The following TAFA2 variants were observed in gnomAD, a reference collection of about 807,000 sequenced individuals.
TAFA2 encodes TAFA chemokine like family member 2, also known as chemokine-like protein TAFA-2.
A neutral mutation model predicts 18.8 loss-of-function variants in TAFA2; 7 were observed. The ratio of observed to expected loss-of-function variants is 0.37; its 90% CI spans 0.21 to 0.70. The LOEUF is 0.70. Among genes scored for constraint, TAFA2 ranks in the 30% least tolerant of loss-of-function variants. TAFA2 has a pLI of 0.53. For missense variants in TAFA2, 122 were observed against 158.1 expected (o/e 0.77, Z 1.23); for synonymous variants, 60 against 54.2 (o/e 1.11, Z -0.47).
At chr12:61,851,273 G>C (rs569041587) in intron 2 of TAFA2, among the ~76,000 whole-genome samples, 1 of 152,276 alleles carries the variant, frequency 6.6e-6, no homozygotes, top group African/African-American at 2.4e-5. Context: ...GGAGATAATA[G>C]TCATGAATAA....
At chr12:62,198,124 A>C (rs933389129) in intron 1 of TAFA2, 1 of 152,090 alleles carries the variant, frequency 6.6e-6, no homozygotes, top group Admixed American at 6.6e-5. Context: ...ATTATATCCA[A>C]ACTCCTTACC....
chr12:62,003,282 C>A (rs1322144530), intron 1 of TAFA2, among the ~76,000 whole-genome samples: 2 of 152,114 alleles, frequency 1.3e-5, no homozygotes, highest in Non-Finnish European at 2.9e-5. Context: ...CAAGCAATGC[C>A]TTACAAAGCC....
chr12:61,901,259 C>CTTTTTTTTTTT (rs1203233805), intron 1 of TAFA2, among the ~76,000 whole-genome samples: 5 of 10,898 alleles, frequency 4.6e-4, no homozygotes, highest in Non-Finnish European at 7.3e-4. Flanking sequence ...TTCAATTTCA[C>CTTTTTTTTTTT]TTTTTTTTTT....
At chr12:61,741,270 CTGTGTGTGTGTGTGAG>C (rs1242658367) in intron 4 of TAFA2, among the ~76,000 whole-genome samples, 3 of 150,424 alleles carry the variant, frequency 2.0e-5, no homozygotes, top group African/African-American at 7.3e-5. Flanking sequence ...TCTCTCTGCT[CTGTGTGTGTGTGTGAG>C]TGTGTGTGTG....
intron 4 of TAFA2, among the ~76,000 whole-genome samples, chr12:61,739,441 T>A (rs1856457386): frequency 6.6e-6 from 1 of 152,072 alleles, no homozygotes; most frequent in Non-Finnish European, 1.5e-5. Flanking sequence ...AGAAAATAAT[T>A]CTATTATGAT....
chr12:62,034,240 A>G (rs551152417), intron 1 of TAFA2, among the ~76,000 whole-genome samples: 4 of 152,126 alleles, frequency 2.6e-5, no homozygotes, highest in African/African-American at 9.7e-5. Flanking sequence ...AGATATGTTC[A>G]CCTTGAGCCC....
Position 61,879,766 on chromosome 12 carries a change from G to A in TAFA2, c.-1-12340C>T, listed in dbSNP as rs1276634383. On this transcript the variant is annotated intron_variant, in intron 1 of 4. Transcript: ENST00000416284. ...TCCAGAGCTACATCAACAACCTTAGGTGGCAGCTGGAGACTCTGGGCCAGG... is the reference window on the plus strand; with the variant it reads ...TCCAGAGCTACATCAACAACCTTAGATGGCAGCTGGAGACTCTGGGCCAGG... 5.0e-6 allele frequency: 7 copies of A among 1,406,132 alleles called. No individual in the cohort carries two copies. The South Asian group carries it at 8.0e-5, about 16-fold the overall frequency. The allele number at this position is 1,406,132 out of a possible 1,614,324, so 87.1% of individuals were successfully genotyped here. A position where few individuals can be genotyped will look rare whatever the true frequency, so the allele number is the denominator to read the frequency against.
At chr12:62,038,926 T>G (rs348682) in intron 1 of TAFA2, among the ~76,000 whole-genome samples, 1 of 152,130 alleles carries the variant, frequency 6.6e-6, no homozygotes, top group Non-Finnish European at 1.5e-5. Context: ...TCCCAAACCC[T>G]TCACATAGCC....
At chr12:61,720,919 G>A (rs75355871) in intron 4 of TAFA2, 6,819 of 517,716 alleles carry the variant, frequency 0.013, 120 homozygotes, top group East Asian at 0.039. Context: ...AGTTTTACAC[G>A]TTTGCCTAAG....
intron 1 of TAFA2, among the ~76,000 whole-genome samples, chr12:61,926,559 T>C (rs889304174): frequency 2.6e-5 from 4 of 152,126 alleles, no homozygotes; most frequent in African/African-American, 7.2e-5. Context: ...AATCAATAAA[T>C]GGAATCCATT....
intron 1 of TAFA2, among the ~76,000 whole-genome samples, chr12:61,983,076 T>C (rs1045807184): frequency 6.6e-6 from 1 of 152,108 alleles, no homozygotes; most frequent in Admixed American, 6.6e-5. Flanking sequence ...TAGTAGGAAA[T>C]AAAACATGCT....
chr12:62,116,612 C>T (rs1869973284), intron 1 of TAFA2, among the ~76,000 whole-genome samples: 1 of 152,154 alleles, frequency 6.6e-6, no homozygotes, highest in Non-Finnish European at 1.5e-5. Context: ...AATTTTTCCT[C>T]TAATTTTGGG....
chr12:62,042,432 C>CGTGTGTGTGTGCGCGT (rs1881786823), intron 1 of TAFA2, among the ~76,000 whole-genome samples: 1 of 143,500 alleles, frequency 7.0e-6, no homozygotes, highest in Non-Finnish European at 1.5e-5. Context: ...TGTGTGTGCG[C>CGTGTGTGTGTGCGCGT]GTGTGTGTGT....
intron 1 of TAFA2, among the ~76,000 whole-genome samples, chr12:61,921,934 G>C (rs1877070620): frequency 1.3e-5 from 2 of 152,114 alleles, no homozygotes; most frequent in Non-Finnish European, 2.9e-5. Flanking sequence ...GTCAAATAAA[G>C]AAAGTTTATC....
chr12:62,022,517 T>C (rs1456155701), intron 1 of TAFA2, among the ~76,000 whole-genome samples: 1 of 152,212 alleles, frequency 6.6e-6, no homozygotes, highest in Non-Finnish European at 1.5e-5. Flanking sequence ...CTAGTACTTT[T>C]TGAGTGTTAC....
At chr12:62,060,123 G>A (rs1882305023) in intron 1 of TAFA2, among the ~76,000 whole-genome samples, 1 of 152,158 alleles carries the variant, frequency 6.6e-6, no homozygotes, top group East Asian at 1.9e-4. Flanking sequence ...CTTCACTGAG[G>A]ATACAGGCTT....
chr12:61,736,477 AT>A (rs1868306386), intron 4 of TAFA2, among the ~76,000 whole-genome samples: 1 of 151,978 alleles, frequency 6.6e-6, no homozygotes, highest in Non-Finnish European at 1.5e-5. Flanking sequence ...AATAATTGAA[AT>A]TTATTATTGG....
intron 2 of TAFA2, among the ~76,000 whole-genome samples, chr12:61,809,721 T>C (rs185956699): frequency 2.6e-5 from 4 of 151,516 alleles, no homozygotes; most frequent in Admixed American, 2.0e-4. Flanking sequence ...GGAAAACCAA[T>C]TTTTACTTAT....
chr12:62,083,486 T>C (rs1310401236), intron 1 of TAFA2, among the ~76,000 whole-genome samples: 1 of 152,110 alleles, frequency 6.6e-6, no homozygotes, highest in Non-Finnish European at 1.5e-5. Flanking sequence ...TGGAAATGCC[T>C]CTATCCTTCA....
Sources: gnomAD v4.1 joint callset for allele counts (sites outside exome capture counted in the v4.1 genomes callset) on GRCh38, gnomAD v4.1.1 for gene constraint, MANE v1.5 for transcripts, NCBI Gene and HGNC (gene_info 2026-07-23, HGNC 2026-07-21) for gene names.